The following PIEZO2 variants were observed in gnomAD, a reference collection of about 807,000 sequenced individuals.
PIEZO2 encodes the protein piezo type mechanosensitive ion channel component 2, also known as piezo-type mechanosensitive ion channel component 2.
PIEZO2 carries 172 observed loss-of-function variants against 337.3 expected under a neutral mutation model. That is an observed-to-expected ratio of 0.51 (90% CI 0.45 to 0.58). The LOEUF is 0.58. Among genes scored for constraint, PIEZO2 ranks in the 20% least tolerant of loss-of-function variants. The pLI, the probability that PIEZO2 is intolerant of heterozygous loss-of-function variation, is 0.00. For missense variants in PIEZO2, 3,028 were observed against 3,391.3 expected (o/e 0.89, Z 2.66); for synonymous variants, 1,251 against 1,228.5 (o/e 1.02, Z -0.38).
At chr18:11,117,256 C>G (rs990230964) in intron 1 of PIEZO2, among the ~76,000 whole-genome samples, 9 of 152,176 alleles carry the variant, frequency 5.9e-5, no homozygotes, top group African/African-American at 2.2e-4. Context: ...AAAATATCAC[C>G]TGTATGCCAT....
Position 10,824,258 on chromosome 18 carries a change from G to A in PIEZO2, c.918-16984C>T, listed in dbSNP as rs2040604669. Among the ~76,000 whole-genome samples the A allele has an allele frequency of 6.6e-6, 1 of 152,028 alleles. No homozygotes were observed. Among genetic ancestry groups the A allele is most frequent in the South Asian group, 2.1e-4 (1 of 4,828 alleles). On this transcript the variant is annotated intron_variant, in intron 7 of 55. Transcript: ENST00000674853. This position sits in a 1 kb window ranked among gnomAD's most constrained non-coding sequence, Gnocchi z 4.4. ...AAGAGACAAGTCTCCATAGTCTGTG[G>A]GAAAAAATGTATTTAAAATAAAGGC...
rs2277859 is a variant in PIEZO2, at chr18:10,697,629, C to T, written c.6827+119G>A. Reference sequence around the variant, plus strand: ...AAAGGGGTAATTTCATTCTGCCTTACGCAGATAACATTTGTGACACGAGAA... The same window carrying T: ...AAAGGGGTAATTTCATTCTGCCTTATGCAGATAACATTTGTGACACGAGAA... On this transcript the variant is annotated intron_variant, in intron 45 of 55. Coordinates refer to ENST00000674853, the MANE Select transcript of PIEZO2 (RefSeq NM_001378183.1). The T allele has an allele frequency of 0.043, 57,095 of 1,328,236 alleles. 3,101 individuals carry two copies. The highest frequency in any genetic ancestry group is 0.24 in the East Asian group (10,341 of 42,852). The allele number at this position is 1,328,236 out of a possible 1,614,324, so 82.3% of individuals were successfully genotyped here.
intron 31 of PIEZO2, 80 bp from the exon 32 acceptor site, chr18:10,742,695 T>A: frequency 7.0e-7 from 1 of 1,438,316 alleles, no homozygotes; most frequent in East Asian, 2.5e-5. Flanking sequence ...CTTATGCTGT[T>A]ACGTATATAG....
At chr18:10,706,977 A>G (rs551184912) in intron 40 of PIEZO2, among the ~76,000 whole-genome samples, 13 of 152,298 alleles carry the variant, frequency 8.5e-5, no homozygotes, top group African/African-American at 2.9e-4. Context: ...GAATGAATGA[A>G]TGAACCTTGG....
rs1378406089 is a variant in PIEZO2, at chr18:11,078,593, T to A, written c.65-12371A>T. Among the ~76,000 whole-genome samples the A allele has an allele frequency of 1.3e-5, 2 of 152,230 alleles. No homozygotes were observed. Among genetic ancestry groups the A allele is most frequent in the Non-Finnish European group, 2.9e-5 (2 of 68,048 alleles). On this transcript the variant is annotated intron_variant, in intron 1 of 55. Transcript: ENST00000674853. The surrounding 1 kb of genome is among the most constrained non-coding windows in gnomAD (Gnocchi z 5.3). Reference sequence around the variant, plus strand: ...ACTATCGCTTTTGCTTTCAAATATTTCTGTTGCTAGAGAAGTAGACACACC... The same window carrying A: ...ACTATCGCTTTTGCTTTCAAATATTACTGTTGCTAGAGAAGTAGACACACC...
At chr18:10,735,425 C>T (rs554438184) in intron 34 of PIEZO2, among the ~76,000 whole-genome samples, 95 bp from the exon 35 acceptor site, 1 of 152,218 alleles carries the variant, frequency 6.6e-6, no homozygotes, top group South Asian at 2.1e-4. Flanking sequence ...TCTACAGTTA[C>T]ACCAACTAGG....
In PIEZO2 at chr18:10,815,366, G is replaced by C. The variant is rs1233270910; in HGVS notation, c.918-8092C>G. Reference sequence around the variant, plus strand: ...ATGATTACCTACGTGACCCTGAGTAGGACATTTAACCACTTTAAGCCTCAA... The same window carrying C: ...ATGATTACCTACGTGACCCTGAGTACGACATTTAACCACTTTAAGCCTCAA... On this transcript the variant is annotated intron_variant, in intron 7 of 55. Transcript: ENST00000674853. The surrounding 1 kb of genome is among the most constrained non-coding windows in gnomAD (Gnocchi z 4.1). Among the ~76,000 whole-genome samples, 4 of 152,142 alleles carry C rather than the reference G, an allele frequency of 2.6e-5. No homozygotes were observed. The highest frequency in any genetic ancestry group is 5.9e-5 in the Non-Finnish European group (4 of 68,032).
chr18:10,761,071 G>A lies in PIEZO2; in HGVS notation c.3290C>T (p.Thr1097Ile), dbSNP rs375270254. Residue 1097 changes from threonine to isoleucine, a missense_variant, in exon 24 of 56, where the codon ACC becomes ATC. This residue lies in a region of PIEZO2 where 1,925 missense variants were observed against 2,051.9 expected (regional missense o/e 0.94). Coordinates refer to ENST00000674853, the MANE Select transcript of PIEZO2 (RefSeq NM_001378183.1). ...ATAGTATTCCTGATGGCGGTAAATG[G>A]TGACTTCAAAGGCCAGGATAGCCAG... The part of the protein sequence containing the change: ...LMLAILAFEV[T>I]IYRHQEYYRG... 3.7e-5 allele frequency: 57 copies of A among 1,537,112 alleles called. No homozygotes were observed. The highest frequency in any genetic ancestry group is 4.4e-5 in the Non-Finnish European group (51 of 1,146,900).
intron 7 of PIEZO2, among the ~76,000 whole-genome samples, chr18:10,816,538 A>G (rs2040368598): frequency 6.6e-6 from 1 of 152,220 alleles, no homozygotes; most frequent in South Asian, 2.1e-4. Flanking sequence ...GTTTTCAAAG[A>G]CTTTTATAAA....
rs1328022549 is a variant in PIEZO2, at chr18:11,003,083, A to C, written c.161-23423T>G. Among the ~76,000 whole-genome samples the C allele has an allele frequency of 6.6e-6, 1 of 151,850 alleles. No homozygotes were observed. The highest frequency in any genetic ancestry group is 1.9e-4 in the East Asian group (1 of 5,198). ...GGAGATTCTAACCTGGGAGATGTCC[A>C]GTGACATGTCTTTGCCGTGCCCTCC... On this transcript the variant is annotated intron_variant, in intron 2 of 55. Coordinates refer to ENST00000674853, the MANE Select transcript of PIEZO2 (RefSeq NM_001378183.1). This position sits in a 1 kb window ranked among gnomAD's most constrained non-coding sequence, Gnocchi z 4.6.
chr18:11,024,271 C>T (rs552878435), intron 2 of PIEZO2, among the ~76,000 whole-genome samples: 29 of 152,150 alleles, frequency 1.9e-4, no homozygotes, highest in Non-Finnish European at 2.8e-4. Flanking sequence ...GTAGGCCGGG[C>T]GCGGTGGTTC....
Position 11,099,588 on chromosome 18 carries a change from T to C in PIEZO2, c.65-33366A>G, listed in dbSNP as rs1396931573. 6.6e-6 allele frequency among the ~76,000 whole-genome samples: 1 copy of C among 152,238 alleles called. No homozygotes were observed. Among genetic ancestry groups the C allele is most frequent in the African/African-American group, 2.4e-5 (1 of 41,464 alleles). On this transcript the variant is annotated intron_variant, in intron 1 of 55. Transcript: ENST00000674853. The surrounding 1 kb of genome is among the most constrained non-coding windows in gnomAD (Gnocchi z 5.4). ...TTCAAATGATTCTCTGGCCTTAGCC[T>C]CCCGAGTAGCGGGGATCACAGGTGC...
intron 9 of PIEZO2, among the ~76,000 whole-genome samples, chr18:10,803,273 A>T (rs10459982): frequency 8.5e-5 from 13 of 152,106 alleles, no homozygotes; most frequent in African/African-American, 3.1e-4. Flanking sequence ...GTATGCCATG[A>T]GTAAAAAGCA....
chr18:10,725,338 A>G, intron 36 of PIEZO2: 2 of 1,604,894 alleles, frequency 1.2e-6, no homozygotes, highest in Non-Finnish European at 1.7e-6. Context: ...GTTGTGGTGC[A>G]GCTGAGTGAA....
intron 7 of PIEZO2, among the ~76,000 whole-genome samples, chr18:10,831,130 A>C (rs1352846203): frequency 1.3e-5 from 2 of 152,204 alleles, no homozygotes; most frequent in Admixed American, 6.5e-5. Flanking sequence ...TCCTCAAAAA[A>C]ACTAAAAATA....
intron 4 of PIEZO2, among the ~76,000 whole-genome samples, chr18:10,898,291 G>A (rs570325941): frequency 8.5e-5 from 13 of 152,222 alleles, no homozygotes; most frequent in Admixed American, 3.3e-4. Flanking sequence ...CGTGGTGGCA[G>A]GTGCCTGTAG....
At chr18:11,142,195 T>G (rs1041574074) in intron 1 of PIEZO2, among the ~76,000 whole-genome samples, 1 of 152,224 alleles carries the variant, frequency 6.6e-6, no homozygotes, top group Non-Finnish European at 1.5e-5. Flanking sequence ...AGCTGGTAAC[T>G]GTTACATATA....
At chr18:10,864,763 G>A (rs2041962803) in intron 5 of PIEZO2, among the ~76,000 whole-genome samples, 1 of 152,200 alleles carries the variant, frequency 6.6e-6, no homozygotes, top group African/African-American at 2.4e-5. Flanking sequence ...ATGCAAGAGT[G>A]AACTACACAG....
intron 2 of PIEZO2, among the ~76,000 whole-genome samples, chr18:11,058,525 G>GA (rs933082578): frequency 3.3e-5 from 5 of 151,844 alleles, no homozygotes; most frequent in African/African-American, 7.3e-5. Flanking sequence ...TAAAAACCTT[G>GA]AAAAAAAATT....
Sources: gnomAD v4.1 joint callset for allele counts (sites outside exome capture counted in the v4.1 genomes callset) on GRCh38, gnomAD v4.1.1 for gene constraint, gnomAD v4.1.1 regional missense constraint, Gnocchi (gnomAD v3.1) non-coding constraint, MANE v1.5 for transcripts, NCBI Gene and HGNC (gene_info 2026-07-23, HGNC 2026-07-21) for gene names.